The following RSRC1 variants were observed in gnomAD, a reference collection of about 807,000 sequenced individuals.
RSRC1 encodes the protein arginine and serine rich coiled-coil 1.
Under a neutral mutation model 49.1 loss-of-function variants are expected in RSRC1, and 39 were observed. The observed-to-expected ratio is 0.79, with a 90% CI of 0.61 to 1.04. RSRC1 has a LOEUF of 1.04. RSRC1 is among the 50% of genes least tolerant of loss of function. The pLI is 0.00. For synonymous variants in RSRC1, 143 were observed against 130.8 expected, an observed-to-expected ratio of 1.09 and a Z score of -0.63; for missense variants, 388 against 402.4, an observed-to-expected ratio of 0.96 and a Z score of 0.31.
intron 7 of RSRC1, among the ~76,000 whole-genome samples, chr3:158,521,396 C>G (rs544475220): frequency 2.0e-5 from 3 of 152,116 alleles, no homozygotes; most frequent in Non-Finnish European, 2.9e-5. Flanking sequence ...AGCACCCACA[C>G]AATCCTGATC....
chr3:158,274,841 T>C (rs1725715344), intron 4 of RSRC1, among the ~76,000 whole-genome samples: 1 of 152,150 alleles, frequency 6.6e-6, no homozygotes, highest in South Asian at 2.1e-4. Flanking sequence ...AAAACACATA[T>C]GGTTGGAAAC....
intron 3 of RSRC1, among the ~76,000 whole-genome samples, chr3:158,194,903 A>G (rs944748704): frequency 6.6e-6 from 1 of 152,072 alleles, no homozygotes; most frequent in Non-Finnish European, 1.5e-5. Flanking sequence ...TCATTGTTGG[A>G]CATTTAGGAT....
chr3:158,450,331 CTT>C (rs57318071), intron 6 of RSRC1, among the ~76,000 whole-genome samples: 59 of 127,230 alleles, frequency 4.6e-4, no homozygotes, highest in South Asian at 9.7e-4. Flanking sequence ...TTCTTTTTTG[CTT>C]TTTTTTTTTT....
chr3:158,237,325 A>G lies in RSRC1; in HGVS notation c.494+34080A>G, dbSNP rs529067066. Among the ~76,000 whole-genome samples, 35 of 152,296 alleles carry G rather than the reference A, an allele frequency of 2.3e-4. No homozygotes were observed. The South Asian group carries it at 5.4e-3, about 23-fold the overall frequency. On this transcript the variant is annotated intron_variant, in intron 4 of 9. Coordinates refer to ENST00000611884, the MANE Select transcript of RSRC1 (RefSeq NM_001271838.2). ...CTTACATACATGTCTCTGGAAGGAC[A>G]TATGTTTTCATTATTTTTGAGTAAA...
chr3:158,293,930 T>C (rs1188547768), intron 4 of RSRC1, among the ~76,000 whole-genome samples: 2 of 152,088 alleles, frequency 1.3e-5, no homozygotes. Context: ...GGGTCTCCTT[T>C]TTCATTCCGG....
intron 3 of RSRC1, among the ~76,000 whole-genome samples, chr3:158,148,095 A>C (rs553824379): frequency 6.6e-6 from 1 of 152,212 alleles, no homozygotes; most frequent in Admixed American, 6.5e-5. Flanking sequence ...AACGTGGTAC[A>C]GGTAATTGAT....
chr3:158,354,750 T>TA (rs1179079343), intron 5 of RSRC1, 107 bp from the exon 6 acceptor site: 14 of 794,610 alleles, frequency 1.8e-5, no homozygotes, highest in Non-Finnish European at 2.8e-5. Context: ...TAAAGCTCTT[T>TA]AAATTTCCTA....
intron 5 of RSRC1, among the ~76,000 whole-genome samples, chr3:158,308,946 A>G (rs1727986800): frequency 6.6e-6 from 1 of 151,932 alleles, no homozygotes; most frequent in South Asian, 2.1e-4. Flanking sequence ...AGGTAAATTA[A>G]TGCACTGGGT....
chr3:158,314,239 T>C (rs1728281641), intron 5 of RSRC1, among the ~76,000 whole-genome samples: 1 of 152,002 alleles, frequency 6.6e-6, no homozygotes, highest in Admixed American at 6.6e-5. Flanking sequence ...TACAGGTGCC[T>C]GCCACCACGC....
At chr3:158,255,490 AGGT>A (rs1724489537) in intron 4 of RSRC1, among the ~76,000 whole-genome samples, 1 of 152,192 alleles carries the variant, frequency 6.6e-6, no homozygotes, top group Non-Finnish European at 1.5e-5. Flanking sequence ...GTTTGAAGTC[AGGT>A]AGCATGATGC....
intron 4 of RSRC1, among the ~76,000 whole-genome samples, chr3:158,272,286 A>G (rs1052857205): frequency 6.6e-6 from 1 of 152,146 alleles, no homozygotes; most frequent in African/African-American, 2.4e-5. Context: ...TGTACCATTG[A>G]AGGCAGGATT....
chr3:158,252,967 TTCTC>T (rs1317335952), intron 4 of RSRC1, among the ~76,000 whole-genome samples: 1 of 152,064 alleles, frequency 6.6e-6, no homozygotes, highest in African/African-American at 2.4e-5. Flanking sequence ...GATTTGGTTC[TTCTC>T]TCTTTTTCTC....
At chr3:158,222,553 CATT>C (rs769519482) in intron 4 of RSRC1, among the ~76,000 whole-genome samples, 11 of 151,454 alleles carry the variant, frequency 7.3e-5, no homozygotes, top group Non-Finnish European at 1.6e-4. Flanking sequence ...ACAAGCTTGT[CATT>C]ATTATTAGCT....
At chr3:158,235,111 G>A (rs1723170214) in intron 4 of RSRC1, among the ~76,000 whole-genome samples, 1 of 152,084 alleles carries the variant, frequency 6.6e-6, no homozygotes, top group African/African-American at 2.4e-5. Flanking sequence ...GTAGTAGTGA[G>A]CGATTTTTCT....
chr3:158,518,933 A>C (rs1312653923), intron 7 of RSRC1, among the ~76,000 whole-genome samples: 1 of 152,150 alleles, frequency 6.6e-6, no homozygotes, highest in Non-Finnish European at 1.5e-5. Flanking sequence ...ATTTTTCACT[A>C]GTGTGAATAT....
At chr3:158,201,841 T>A (rs1170647710) in intron 3 of RSRC1, among the ~76,000 whole-genome samples, 1 of 152,218 alleles carries the variant, frequency 6.6e-6, no homozygotes, top group Non-Finnish European at 1.5e-5. Context: ...TCTTTTCTTT[T>A]AAGAATAGAA....
intron 5 of RSRC1, among the ~76,000 whole-genome samples, chr3:158,333,878 T>C (rs1240728808): frequency 6.6e-6 from 1 of 151,982 alleles, no homozygotes; most frequent in East Asian, 1.9e-4. Context: ...AATAAAGAAG[T>C]TGAAAGAAAA....
chr3:158,413,965 A>G (rs564944690), intron 6 of RSRC1, among the ~76,000 whole-genome samples: 10 of 152,128 alleles, frequency 6.6e-5, no homozygotes, highest in Non-Finnish European at 1.2e-4. Context: ...TAACATTTGA[A>G]CCAGCAATTC....
At chr3:158,125,676 A>G (rs867333264) in intron 3 of RSRC1, among the ~76,000 whole-genome samples, 14 of 152,292 alleles carry the variant, frequency 9.2e-5, no homozygotes, top group African/African-American at 3.4e-4. Flanking sequence ...TGTACACTTG[A>G]GAAGAATGCA....
Sources: gnomAD v4.1 joint callset for allele counts (sites outside exome capture counted in the v4.1 genomes callset) on GRCh38, gnomAD v4.1.1 for gene constraint, MANE v1.5 for transcripts, NCBI Gene and HGNC (gene_info 2026-07-23, HGNC 2026-07-21) for gene names.